CLCN3: variants seen among roughly 807,000 people sequenced by gnomAD.
CLCN3 encodes the protein H(+)/Cl(-) exchange transporter 3.
CLCN3 carries 16 observed loss-of-function variants against 83.4 expected under a neutral mutation model. The ratio of observed to expected loss-of-function variants is 0.19; its 90% confidence interval spans 0.13 to 0.29. The LOEUF is 0.29. CLCN3 is among the 10% of genes least tolerant of loss of function. CLCN3 has a pLI of 1.00. For synonymous variants in CLCN3, 322 were observed against 346.2 expected, an observed-to-expected ratio of 0.93 and a Z score of 0.78; for missense variants, 544 against 1,006.0, an observed-to-expected ratio of 0.54 and a Z score of 6.21.
intron 7 of CLCN3, among the ~76,000 whole-genome samples, chr4:169,694,101 A>T (rs558271779): frequency 6.7e-6 from 1 of 149,786 alleles, no homozygotes; most frequent in Non-Finnish European, 1.5e-5. Context: ...TTAGTGGAGG[A>T]AAAAAAAAAG....
At chr4:169,676,070 T>C (rs1731663710) in intron 2 of CLCN3, among the ~76,000 whole-genome samples, 1 of 152,212 alleles carries the variant, frequency 6.6e-6, no homozygotes, top group Non-Finnish European at 1.5e-5. Context: ...TGTTGTCTCA[T>C]GTTTGGTCAT....
chr4:169,660,951 A>T (rs1401038704), intron 2 of CLCN3, among the ~76,000 whole-genome samples: 1 of 152,208 alleles, frequency 6.6e-6, no homozygotes, highest in Non-Finnish European at 1.5e-5. Context: ...GATAGTAAAG[A>T]TGAATAATTT....
chr4:169,703,324 A>T (rs1021975437), intron 9 of CLCN3, among the ~76,000 whole-genome samples: 1 of 152,212 alleles, frequency 6.6e-6, no homozygotes, highest in African/African-American at 2.4e-5. Flanking sequence ...AAAACAAGAT[A>T]TGTCTGTATA....
intron 2 of CLCN3, among the ~76,000 whole-genome samples, chr4:169,657,780 T>C (rs1730929315): frequency 6.6e-6 from 1 of 152,178 alleles, no homozygotes; most frequent in Admixed American, 6.6e-5. Context: ...GAATTCATCC[T>C]GAGCATTTTT....
At chr4:169,680,401 C>T (rs1731890963) in intron 3 of CLCN3, 194 bp downstream of exon 3, 6 of 440,116 alleles carry the variant, frequency 1.4e-5, no homozygotes, top group Non-Finnish European at 2.4e-5. Context: ...CTGTAACTTT[C>T]CAGAAAGGAT....
At chr4:169,626,696 G>A (rs1293035731) in intron 1 of CLCN3, among the ~76,000 whole-genome samples, 1 of 152,216 alleles carries the variant, frequency 6.6e-6, no homozygotes, top group Non-Finnish European at 1.5e-5. Context: ...ACTGTAGTAA[G>A]GCCAGGCACA....
intron 7 of CLCN3, 32 bp downstream of exon 7, chr4:169,692,352 A>AAATAAATACTATAT: frequency 8.8e-7 from 1 of 1,136,918 alleles, no homozygotes; most frequent in Non-Finnish European, 1.3e-6. Context: ...TTTGACTGAA[A>AAATAAATACTATAT]AATATATATT....
intron 2 of CLCN3, among the ~76,000 whole-genome samples, chr4:169,656,653 A>G (rs555414777): frequency 9.2e-5 from 14 of 152,320 alleles, no homozygotes; most frequent in African/African-American, 3.4e-4. Context: ...GTAATTTTTT[A>G]TTAATGTTTA....
intron 2 of CLCN3, among the ~76,000 whole-genome samples, chr4:169,677,040 A>G (rs1310383653): frequency 1.3e-5 from 2 of 152,030 alleles, no homozygotes; most frequent in African/African-American, 4.8e-5. Context: ...TTTCTTTTTA[A>G]CAAATTAAAT....
At chr4:169,626,706 A>G (rs1362052861) in intron 1 of CLCN3, among the ~76,000 whole-genome samples, 1 of 152,192 alleles carries the variant, frequency 6.6e-6, no homozygotes, top group Non-Finnish European at 1.5e-5. Context: ...GGCCAGGCAC[A>G]GTGGCTTACC....
At chr4:169,692,954 C>T (rs1732426754) in intron 7 of CLCN3, among the ~76,000 whole-genome samples, 1 of 152,132 alleles carries the variant, frequency 6.6e-6, no homozygotes, top group African/African-American at 2.4e-5. Context: ...CTGATGTTTC[C>T]ATATTGCTCT....
intron 2 of CLCN3, among the ~76,000 whole-genome samples, chr4:169,641,007 T>G (rs568884370): frequency 6.6e-6 from 1 of 152,334 alleles, no homozygotes; most frequent in South Asian, 2.1e-4. Flanking sequence ...TCTGATTATG[T>G]ATAGACTGAG....
intron 2 of CLCN3, among the ~76,000 whole-genome samples, chr4:169,651,129 T>G (rs2150212397): frequency 6.6e-6 from 1 of 152,254 alleles, no homozygotes; most frequent in South Asian, 2.1e-4. Flanking sequence ...ACTGGTGGTT[T>G]ATACCTCACT....
intron 2 of CLCN3, among the ~76,000 whole-genome samples, chr4:169,649,478 T>C (rs1449883306): frequency 6.6e-6 from 1 of 152,194 alleles, no homozygotes; most frequent in Non-Finnish European, 1.5e-5. Flanking sequence ...AAAGAAATTA[T>C]AGTGTCTAGG....
intron 2 of CLCN3, among the ~76,000 whole-genome samples, chr4:169,676,910 T>C (rs1021603457): frequency 9.2e-5 from 14 of 152,110 alleles, no homozygotes; most frequent in African/African-American, 3.1e-4. Context: ...TGTATAGCTA[T>C]AATTCTCATT....
At chr4:169,647,363 CT>C (rs1284225739) in intron 2 of CLCN3, among the ~76,000 whole-genome samples, 1 of 152,032 alleles carries the variant, frequency 6.6e-6, no homozygotes, top group Non-Finnish European at 1.5e-5. Context: ...GCACTCCAGC[CT>C]GGGTGACAGA....
chr4:169,653,368 G>A (rs901942620), intron 2 of CLCN3, among the ~76,000 whole-genome samples: 8 of 152,002 alleles, frequency 5.3e-5, no homozygotes, highest in Non-Finnish European at 8.8e-5. Flanking sequence ...GGCTGGGTGC[G>A]GTGGCTCAAG....
chr4:169,692,033 T>G, intron 6 of CLCN3, 81 bp from the exon 7 acceptor site: 1 of 981,336 alleles, frequency 1.0e-6, no homozygotes, highest in East Asian at 2.5e-5. Context: ...TTTTTGTGCA[T>G]AAAACAAGAA....
At chr4:169,713,612 C>T (rs1327814513) in intron 12 of CLCN3, among the ~76,000 whole-genome samples, 1 of 152,128 alleles carries the variant, frequency 6.6e-6, no homozygotes, top group African/African-American at 2.4e-5. Flanking sequence ...AAGAGTGGAC[C>T]TAACCTGCAT....
Sources: allele counts gnomAD v4.1 joint callset (sites outside exome capture counted in the v4.1 genomes callset), GRCh38; gene constraint gnomAD v4.1.1; transcripts MANE v1.5; gene names NCBI Gene and HGNC (gene_info 2026-07-23, HGNC 2026-07-21).